The following STPG2 variants were observed in gnomAD, a reference collection of about 807,000 sequenced individuals.
The protein encoded by STPG2 is sperm-tail PG-rich repeat-containing protein 2.
Under a neutral mutation model 54.2 loss-of-function variants are expected in STPG2, and 56 were observed. That is an observed-to-expected ratio of 1.03 (90% CI 0.83 to 1.29). The LOEUF (loss-of-function observed/expected upper bound fraction) is 1.29, where lower values mean the gene tolerates loss of function less well. Ranked by LOEUF, STPG2 falls within the 50% of genes most tolerant of loss-of-function variation. STPG2 has a pLI of 0.00. For missense variants in STPG2, 596 were observed against 544.9 expected (o/e 1.09, Z -0.93); for synonymous variants, 200 against 181.8 (o/e 1.10, Z -0.81).
intron 5 of STPG2, among the ~76,000 whole-genome samples, chr4:97,990,753 G>A (rs928446634): frequency 6.6e-6 from 1 of 152,038 alleles, no homozygotes; most frequent in Admixed American, 6.6e-5. Context: ...GTTATTTATG[G>A]CATCTTTTCA....
At chr4:98,051,145 C>CT (rs972504696) in intron 5 of STPG2, among the ~76,000 whole-genome samples, 3 of 151,912 alleles carry the variant, frequency 2.0e-5, no homozygotes, top group Non-Finnish European at 4.4e-5. Context: ...ATGAGAGATC[C>CT]ACCTTAGGTA....
At chr4:97,752,683 C>G (rs1213300847) in intron 9 of STPG2, among the ~76,000 whole-genome samples, 2 of 151,788 alleles carry the variant, frequency 1.3e-5, no homozygotes, top group African/African-American at 2.4e-5. Flanking sequence ...TTATACTTAG[C>G]CCATACCATT....
intron 8 of STPG2, among the ~76,000 whole-genome samples, chr4:97,906,908 T>C (rs1197023130): frequency 2.6e-5 from 4 of 151,972 alleles, no homozygotes; most frequent in African/African-American, 9.7e-5. Context: ...ACAGCCAATC[T>C]CATACTGAAT....
intron 4 of STPG2, among the ~76,000 whole-genome samples, chr4:97,462,906 A>T (rs907646719): frequency 6.6e-6 from 1 of 152,076 alleles, no homozygotes; most frequent in Non-Finnish European, 1.5e-5. Context: ...GGCATTCCTG[A>T]TGACTTCCCA....
intron 6 of STPG2, among the ~76,000 whole-genome samples, chr4:97,973,422 A>C (rs1318507885): frequency 6.6e-6 from 1 of 152,206 alleles, no homozygotes; most frequent in African/African-American, 2.4e-5. Context: ...TCAGTTTTAT[A>C]AGGAAAGCAG....
intron 8 of STPG2, among the ~76,000 whole-genome samples, chr4:97,874,809 G>C (rs1166954398): frequency 6.6e-6 from 1 of 151,552 alleles, no homozygotes; most frequent in Non-Finnish European, 1.5e-5. Flanking sequence ...TGTCATGAGG[G>C]TGGAGCCCAT....
intron 9 of STPG2, among the ~76,000 whole-genome samples, chr4:97,742,559 G>GTA (rs1190365992): frequency 0.017 from 2,250 of 132,682 alleles, 99 homozygotes; most frequent in Admixed American, 0.085. Flanking sequence ...GTGTGTGTGT[G>GTA]TGTGTGTCTA....
At chr4:97,560,314 G>C (rs1399842951) in intron 10 of STPG2, among the ~76,000 whole-genome samples, 2 of 152,104 alleles carry the variant, frequency 1.3e-5, no homozygotes, top group Non-Finnish European at 2.9e-5. Flanking sequence ...AATGTGCTCT[G>C]TCATCAATCA....
chr4:98,062,089 A>G (rs563197416), intron 5 of STPG2, among the ~76,000 whole-genome samples: 1 of 152,340 alleles, frequency 6.6e-6, no homozygotes, highest in South Asian at 2.1e-4. Flanking sequence ...AATGTGGTAC[A>G]TATACACCAT....
At chr4:97,757,660 C>T (rs1490497827) in intron 9 of STPG2, among the ~76,000 whole-genome samples, 2 of 152,116 alleles carry the variant, frequency 1.3e-5, no homozygotes, top group Admixed American at 1.3e-4. Flanking sequence ...CTAAAACCTC[C>T]ACTAGCTCAA....
At chr4:97,645,204 T>C (rs1047336158) in intron 10 of STPG2, among the ~76,000 whole-genome samples, 6 of 151,544 alleles carry the variant, frequency 4.0e-5, no homozygotes, top group Non-Finnish European at 7.4e-5. Context: ...GGCCAATTGT[T>C]TTTTATAGCT....
chr4:97,631,967 G>A (rs1374551330), intron 10 of STPG2, among the ~76,000 whole-genome samples: 1 of 151,976 alleles, frequency 6.6e-6, no homozygotes, highest in Non-Finnish European at 1.5e-5. Context: ...TTGAATAATA[G>A]ATGCTTGTCC....
intron 9 of STPG2, among the ~76,000 whole-genome samples, chr4:97,807,667 A>G (rs1727613424): frequency 6.6e-6 from 1 of 152,030 alleles, no homozygotes; most frequent in African/African-American, 2.4e-5. Flanking sequence ...AGAGGAAAAA[A>G]AAGGAAGTAT....
chr4:97,950,983 A>G (rs1733442632), intron 7 of STPG2, among the ~76,000 whole-genome samples: 1 of 152,152 alleles, frequency 6.6e-6, no homozygotes, highest in African/African-American at 2.4e-5. Context: ...GTAAAACCTA[A>G]GGTCAGTGTT....
At chr4:97,787,817 C>T (rs1726872082) in intron 9 of STPG2, among the ~76,000 whole-genome samples, 1 of 151,560 alleles carries the variant, frequency 6.6e-6, no homozygotes, top group African/African-American at 2.4e-5. Context: ...TGAGATAGCT[C>T]AGTAACTTAT....
chr4:98,006,920 T>C (rs1735595481), intron 5 of STPG2, among the ~76,000 whole-genome samples: 1 of 152,128 alleles, frequency 6.6e-6, no homozygotes, highest in South Asian at 2.1e-4. Flanking sequence ...AAGAAATTGG[T>C]GCAGAAGCAG....
chr4:97,868,599 C>T (rs1376484113), intron 8 of STPG2, among the ~76,000 whole-genome samples: 1 of 151,808 alleles, frequency 6.6e-6, no homozygotes, highest in East Asian at 1.9e-4. Flanking sequence ...TCTGTTTTGG[C>T]TAGTAAATTT....
intron 5 of STPG2, among the ~76,000 whole-genome samples, chr4:98,000,435 A>T (rs542656318): frequency 6.6e-6 from 1 of 151,032 alleles, no homozygotes; most frequent in South Asian, 2.1e-4. Flanking sequence ...TTTTAAAAGT[A>T]TGTGCTAAAT....
At chr4:97,536,079 G>T (rs1383725598) in intron 4 of STPG2, among the ~76,000 whole-genome samples, 1 of 152,182 alleles carries the variant, frequency 6.6e-6, no homozygotes, top group African/African-American at 2.4e-5. Context: ...AACTTCAAAT[G>T]ATCTTCCTGC....
Sources: gnomAD v4.1 joint callset for allele counts (sites outside exome capture counted in the v4.1 genomes callset) on GRCh38, gnomAD v4.1.1 for gene constraint, MANE v1.5 for transcripts, NCBI Gene and HGNC (gene_info 2026-07-23, HGNC 2026-07-21) for gene names.